Variants in LIMK2 observed in about 807,000 individuals in gnomAD.
LIMK2 encodes LIM domain kinase 2.
LIMK2 carries 35 observed loss-of-function variants against 75.7 expected under a neutral mutation model. The ratio of observed to expected loss-of-function variants is 0.46; its 90% CI spans 0.35 to 0.61. The LOEUF (loss-of-function observed/expected upper bound fraction) is 0.61, where lower values mean the gene tolerates loss of function less well. Ranked by LOEUF, LIMK2 falls within the 20% of genes least tolerant of loss-of-function variation. The pLI, the probability that LIMK2 is intolerant of heterozygous loss-of-function variation, is 0.00. For missense variants in LIMK2, 623 were observed against 831.0 expected (o/e 0.75, Z 3.08); for synonymous variants, 301 against 319.2 (o/e 0.94, Z 0.61).
intron 12 of LIMK2, 36 bp from the exon 13 acceptor site, chr22:31,272,493 TC>T (rs1298910063): frequency 6.4e-7 from 1 of 1,566,400 alleles, no homozygotes; most frequent in African/African-American, 1.4e-5. Flanking sequence ...TTTGAGAACA[TC>T]CCCATGAAGT....
rs1438692567 is a variant in LIMK2, at chr22:31,271,183, C to G, written c.1365C>G (p.His455Gln). Residue 455 changes from histidine (H) to glutamine (Q), a missense_variant, in exon 12 of 16, where the codon CAC becomes CAG. This residue lies in a region of LIMK2 where 514 missense variants were observed against 661.3 expected (regional missense o/e 0.78). Transcript: ENST00000331728. ...MCIIHRDLNS[H>Q]NCLIKLDKTV... ...TCATCCACCGGGATCTGAACTCGCA[C>G]AACTGCCTCATCAAGTTGGTATGTC... 1 of 1,614,060 alleles carries G rather than the reference C, an allele frequency of 6.2e-7. No homozygotes were observed.
intron 2 of LIMK2, among the ~76,000 whole-genome samples, chr22:31,226,698 C>A (rs191024839): frequency 3.7e-3 from 568 of 152,336 alleles, no homozygotes; most frequent in East Asian, 0.018. Context: ...CAACCTCTGC[C>A]CCCCGAGTTC....
rs929179978 is a variant in LIMK2, at chr22:31,236,608, CA to C, written c.116+10806del. Among the ~76,000 whole-genome samples, 732 of 90,968 alleles carry C rather than the reference CA, an allele frequency of 8.0e-3. 5 individuals are homozygous for C. The highest frequency in any genetic ancestry group is 0.017 in the African/African-American group (433 of 25,480). 59.7% of individuals were successfully genotyped at this position (90,968 alleles called of 152,430 possible). A position where few individuals can be genotyped will look rare whatever the true frequency, so the allele number is the denominator to read the frequency against. On this transcript the variant is annotated intron_variant, in intron 2 of 15. Coordinates refer to ENST00000331728, the MANE Select transcript of LIMK2 (RefSeq NM_005569.4). Reference sequence around the variant, plus strand: ...TGGATGACAGAGCAAGACCCTATCTCAAAAAAAAAAAAAAAAAGAAACGAGC... The same window carrying C: ...TGGATGACAGAGCAAGACCCTATCTCAAAAAAAAAAAAAAAAGAAACGAGC...
intron 2 of LIMK2, chr22:31,230,056 C>CTTTTTT (rs33933239): frequency 1.7e-5 from 2 of 120,802 alleles, no homozygotes; most frequent in Non-Finnish European, 3.5e-5. Context: ...TTCTTTCTTT[C>CTTTTTT]TTTTTTTTTT....
In LIMK2 at chr22:31,244,358, GC is replaced by G. The variant is rs539580854; in HGVS notation, c.117-13928del. Among the ~76,000 whole-genome samples, 12 of 152,312 alleles carry G rather than the reference GC, an allele frequency of 7.9e-5. No individual in the cohort carries two copies. The South Asian group carries it at 2.5e-3, about 32-fold the overall frequency. On this transcript the variant is annotated intron_variant, in intron 2 of 15. Coordinates refer to ENST00000331728, the MANE Select transcript of LIMK2 (RefSeq NM_005569.4). ...TTGCTAGTCCCAGACTTAATTTGGGGCCCCCTTCTTGCCTGATTGAATTACA... is the reference window on the plus strand; with the variant it reads ...TTGCTAGTCCCAGACTTAATTTGGGGCCCCTTCTTGCCTGATTGAATTACA...
chr22:31,245,302 A>G (rs1568990260), intron 2 of LIMK2, among the ~76,000 whole-genome samples: 1 of 149,808 alleles, frequency 6.7e-6, no homozygotes, highest in African/African-American at 2.5e-5. Context: ...TGATTGATTG[A>G]TTTTTTTTTT....
chr22:31,212,413 C>T lies in LIMK2; in HGVS notation c.5C>T (p.Ser2Phe). 1 of 1,338,206 alleles carries T rather than the reference C, an allele frequency of 7.5e-7. No homozygotes were observed. The highest frequency in any genetic ancestry group is 9.7e-7 in the Non-Finnish European group (1 of 1,033,916). The allele number at this position is 1,338,206 out of a possible 1,614,324, so 82.9% of individuals were successfully genotyped here. A position where few individuals can be genotyped will look rare whatever the true frequency, so the allele number is the denominator to read the frequency against. M[S>F]ALAGEDVWRC... Reference sequence around the variant, plus strand: ...CATTTCCGCGCTCCCGGGACCATGTCCGCGCTGGCGGGTAAGGAAGGGCTG... The same window carrying T: ...CATTTCCGCGCTCCCGGGACCATGTTCGCGCTGGCGGGTAAGGAAGGGCTG... The change falls in exon 1 of 16, where the codon TCC becomes TTC. Residue 2 changes from serine (S) to phenylalanine (F), a missense_variant. Transcript: ENST00000331728.
chr22:31,225,828 G>T lies in LIMK2; in HGVS notation c.116+9G>T, dbSNP rs2048472764. On this transcript the variant is annotated intron_variant, in intron 2 of 15. Coordinates refer to ENST00000331728, the MANE Select transcript of LIMK2 (RefSeq NM_005569.4). ...CACGGCTCTTGCTTCCGGTAGGTGG[G>T]CCTATCCTCCCATCTTTACCAGTGT... 6.2e-7 allele frequency: 1 copy of T among 1,601,926 alleles called. No homozygotes were observed.
In LIMK2 at chr22:31,258,750, G is replaced by C. The variant is rs2048809784; in HGVS notation, c.252+324G>C. ...TACTTAGGTTGTCTTTAGGGAATCA[G>C]AAAAGGAGACTCTGGAATAGGCTGG... On this transcript the variant is annotated intron_variant, in intron 3 of 15. Coordinates refer to ENST00000331728, the MANE Select transcript of LIMK2 (RefSeq NM_005569.4). 18 of 387,746 alleles carry C rather than the reference G, an allele frequency of 4.6e-5. No homozygotes were observed. In the South Asian group the frequency reaches 6.2e-4, roughly 13 times the overall value. 24.0% of individuals were successfully genotyped at this position (387,746 alleles called of 1,614,324 possible). A position where few individuals can be genotyped will look rare whatever the true frequency, so the allele number is the denominator to read the frequency against.
At position 31,262,383 on chromosome 22, in the gene LIMK2, CA is replaced by C; in HGVS notation, c.657+145del. 2 of 811,650 alleles carry C rather than the reference CA, an allele frequency of 2.5e-6. No individual in the cohort carries two copies. The highest frequency in any genetic ancestry group is 2.0e-6 in the Non-Finnish European group (1 of 494,022). 50.3% of individuals were successfully genotyped at this position (811,650 alleles called of 1,614,324 possible). Reference sequence around the variant, plus strand: ...GCCTGTGACCACTGGTGACCTATTTCAGCGTAACAGGTTCCCAGGGTAGCAG... The same window carrying C: ...GCCTGTGACCACTGGTGACCTATTTCGCGTAACAGGTTCCCAGGGTAGCAG... On this transcript the variant is annotated intron_variant, in intron 6 of 15. Transcript: ENST00000331728. The surrounding 1 kb of genome is among the most constrained non-coding windows in gnomAD (Gnocchi z 5.0).
rs1459281794 is a variant in LIMK2, at chr22:31,234,337, AAAAC to A, written c.116+8522_116+8525del. On this transcript the variant is annotated intron_variant, in intron 2 of 15. Coordinates refer to ENST00000331728, the MANE Select transcript of LIMK2 (RefSeq NM_005569.4). ...GGAAGGAGTGATCTTAAAAAAAAAA[AAAAC>A]AAAAAAAAACTTGACTGTGTCACTC... 4.7e-3 allele frequency among the ~76,000 whole-genome samples: 710 copies of A among 151,176 alleles called. 4 individuals are homozygous for A. Among genetic ancestry groups the A allele is most frequent in the African/African-American group, 0.016 (643 of 41,192 alleles).
At chr22:31,234,589 C>T (rs1201022462) in intron 2 of LIMK2, among the ~76,000 whole-genome samples, 1 of 151,456 alleles carries the variant, frequency 6.6e-6, no homozygotes, top group African/African-American at 2.4e-5. Flanking sequence ...GTCGTGGTGG[C>T]GTGTGCCTGT....
intron 2 of LIMK2, among the ~76,000 whole-genome samples, chr22:31,236,303 A>C (rs1037608290): frequency 3.3e-5 from 5 of 150,750 alleles, no homozygotes; most frequent in Non-Finnish European, 7.4e-5. Flanking sequence ...TAAAAAAAAA[A>C]AAAAAAAACA....
chr22:31,259,138 G>T lies in LIMK2; in HGVS notation c.270G>T (p.Lys90Asn). 4 of 1,612,842 alleles carry T rather than the reference G, an allele frequency of 2.5e-6. No homozygotes were observed. Among genetic ancestry groups the T allele is most frequent in the Non-Finnish European group, 3.4e-6 (4 of 1,178,934 alleles). Residue 90 changes from lysine to asparagine, a missense_variant, in exon 4 of 16, where the codon AAG becomes AAT. By Grantham distance (94) the Lys-to-Asn change is moderately conservative (BLOSUM62 0). This residue lies in a region of LIMK2 where 514 missense variants were observed against 661.3 expected (regional missense o/e 0.78). Transcript: ENST00000331728. ...TGPFMVAGEF[K>N]YHPECFACMS... ...GCTCACAGGTGGCTGGGGAGTTCAA[G>T]TACCACCCAGAGTGCTTTGCCTGTA...
chr22:31,217,713 A>G lies in LIMK2; in HGVS notation c.16+5289A>G, dbSNP rs1165630511. 3.3e-5 allele frequency among the ~76,000 whole-genome samples: 5 copies of G among 152,194 alleles called. No individual in the cohort carries two copies. The East Asian group carries it at 7.7e-4, about 23-fold the overall frequency. On this transcript the variant is annotated intron_variant, in intron 1 of 15. Coordinates refer to ENST00000331728, the MANE Select transcript of LIMK2 (RefSeq NM_005569.4). ...TTTATAGGCCCTCCATAGATAAGAA[A>G]ATGCCTACTCATTCACAGTTGAGTG...
At chr22:31,277,252 G>T in intron 15 of LIMK2, 1 of 1,546,402 alleles carries the variant, frequency 6.5e-7, no homozygotes, top group Non-Finnish European at 8.7e-7. Context: ...CCATGAGCAG[G>T]GCTCCTCGTG....
Position 31,276,918 on chromosome 22 carries a change from G to GATCCTGGA in LIMK2, c.1773-1378_1773-1371dup, listed in dbSNP as rs1184172803. 3.1e-6 allele frequency: 5 copies of GATCCTGGA among 1,613,418 alleles called. No individual in the cohort carries two copies. In the African/African-American group the frequency reaches 6.7e-5, roughly 22 times the overall value. Reference sequence around the variant, plus strand: ...GGAAGCACCTCAACCTAGAGGAGTGGATCCTGGAGCAGCTCACGCGCCTCT... The same window carrying GATCCTGGA: ...GGAAGCACCTCAACCTAGAGGAGTGGATCCTGGAATCCTGGAGCAGCTCACGCGCCTCT... On this transcript the variant is annotated intron_variant, in intron 15 of 15. Coordinates refer to ENST00000331728, the MANE Select transcript of LIMK2 (RefSeq NM_005569.4).
intron 7 of LIMK2, among the ~76,000 whole-genome samples, chr22:31,264,964 C>G (rs1473205044): frequency 1.3e-5 from 2 of 152,026 alleles, no homozygotes; most frequent in South Asian, 2.1e-4. Flanking sequence ...GAGGCCGAGA[C>G]AGATGGATCG....
chr22:31,227,161 G>A (rs1268257306), intron 2 of LIMK2, among the ~76,000 whole-genome samples: 1 of 152,196 alleles, frequency 6.6e-6, no homozygotes, highest in Non-Finnish European at 1.5e-5. Flanking sequence ...TCTTCACAAC[G>A]TAAAATAGTT....
Sources: gnomAD v4.1 joint callset for allele counts (sites outside exome capture counted in the v4.1 genomes callset) on GRCh38, gnomAD v4.1.1 for gene constraint, gnomAD v4.1.1 regional missense constraint, Gnocchi (gnomAD v3.1) non-coding constraint, MANE v1.5 for transcripts, NCBI Gene and HGNC (gene_info 2026-07-23, HGNC 2026-07-21) for gene names.